The following SEMA3A variants were observed in gnomAD, a reference collection of about 807,000 sequenced individuals.
The protein encoded by SEMA3A is semaphorin-3A.
SEMA3A carries 29 observed loss-of-function variants against 97.9 expected under a neutral mutation model. The ratio of observed to expected loss-of-function variants is 0.30; its 90% CI spans 0.22 to 0.40. The LOEUF (loss-of-function observed/expected upper bound fraction) is 0.40. Ranked by LOEUF, SEMA3A falls within the 10% of genes least tolerant of loss-of-function variation. The pLI is 1.00. For missense variants in SEMA3A, 763 were observed against 951.3 expected, an observed-to-expected ratio of 0.80 and a Z score of 2.60; for synonymous variants, 321 against 323.7, an observed-to-expected ratio of 0.99 and a Z score of 0.09.
chr7:84,475,155 T>A (rs1361057453), intron 1 of SEMA3A, among the ~76,000 whole-genome samples: 2 of 151,386 alleles, frequency 1.3e-5, no homozygotes, highest in East Asian at 3.9e-4. Flanking sequence ...CATCTCATAC[T>A]CCCTGGTGAA....
chr7:83,968,804 C>CTTTTTTTTT (rs34837012), intron 15 of SEMA3A, among the ~76,000 whole-genome samples: 11 of 86,966 alleles, frequency 1.3e-4, no homozygotes, highest in East Asian at 3.2e-4. Flanking sequence ...CTTTTCTTTC[C>CTTTTTTTTT]TTTTTTTTTT....
chr7:83,991,554 T>C (rs1372710381), intron 12 of SEMA3A, among the ~76,000 whole-genome samples: 15 of 151,838 alleles, frequency 9.9e-5, no homozygotes, highest in Non-Finnish European at 1.8e-4. Flanking sequence ...TGTCAAAGGC[T>C]TTTTCTGCAT....
chr7:84,272,648 A>G (rs1257498143), intron 3 of SEMA3A, among the ~76,000 whole-genome samples: 2 of 151,954 alleles, frequency 1.3e-5, no homozygotes, highest in Non-Finnish European at 2.9e-5. Context: ...ATTGATTGTA[A>G]ATGAGACTAG....
At chr7:84,322,005 A>G (rs10254748) in intron 2 of SEMA3A, among the ~76,000 whole-genome samples, 2,776 of 151,716 alleles carry the variant, frequency 0.018, 88 homozygotes, top group African/African-American at 0.064. Flanking sequence ...GGACTCGGAA[A>G]ACTTATCATG....
At chr7:84,038,756 GTTTA>G (rs1792031901) in intron 6 of SEMA3A, among the ~76,000 whole-genome samples, 1 of 152,160 alleles carries the variant, frequency 6.6e-6, no homozygotes, top group South Asian at 2.1e-4. Context: ...TAACCTAATT[GTTTA>G]TTTAAGTTTA....
rs543350492 is a variant in SEMA3A at position 84,234,958 on chromosome 7, T to C, written c.-82-40290A>G. ...TAACTAATATCAGTTAATATCCCCA[T>C]GCTGTTTTCCTGCGTTTTTACTCTG... is the stretch of plus-strand genomic sequence containing the variant. On this transcript the variant is annotated intron_variant, in intron 3 of 3. Coordinates refer to the SEMA3A transcript ENST00000424555. Among the ~76,000 whole-genome samples the C allele has an allele frequency of 3.3e-5, 5 of 152,198 alleles. No individual in the cohort carries two copies. The South Asian group carries it at 1.0e-3, about 32-fold the overall frequency.
At chr7:84,044,962 T>C (rs1439459798) in intron 6 of SEMA3A, among the ~76,000 whole-genome samples, 6 of 151,928 alleles carry the variant, frequency 3.9e-5, no homozygotes, top group Non-Finnish European at 8.8e-5. Context: ...CATGGAAAAT[T>C]ATAGGACATT....
chr7:84,243,604 G>T (rs912146232), intron 3 of SEMA3A, among the ~76,000 whole-genome samples: 1 of 149,620 alleles, frequency 6.7e-6, no homozygotes, highest in African/African-American at 2.6e-5. Context: ...CCAGCTTCTG[G>T]ATTCATTGAT....
intron 3 of SEMA3A, among the ~76,000 whole-genome samples, chr7:84,207,583 G>C (rs900600460): frequency 6.6e-6 from 1 of 152,202 alleles, no homozygotes; most frequent in Non-Finnish European, 1.5e-5. Flanking sequence ...ATGTGTGGAA[G>C]AGTAGTTTGT....
At chr7:84,066,651 TG>T (rs1316173885) in intron 4 of SEMA3A, among the ~76,000 whole-genome samples, 1 of 150,180 alleles carries the variant, frequency 6.7e-6, no homozygotes, top group East Asian at 1.9e-4. Context: ...AGCCAAATCA[TG>T]AGTGAACTCC....
At chr7:83,984,593 T>C (rs1287030532) in intron 13 of SEMA3A, among the ~76,000 whole-genome samples, 1 of 147,668 alleles carries the variant, frequency 6.8e-6, no homozygotes, top group African/African-American at 2.5e-5. Context: ...CCCTACTTCA[T>C]TCTGGATTTT....
chr7:84,157,443 C>T (rs1412558893), intron 1 of SEMA3A, among the ~76,000 whole-genome samples: 7 of 151,244 alleles, frequency 4.6e-5, no homozygotes, highest in Non-Finnish European at 4.4e-5. Context: ...TTGTTGTTAT[C>T]GTTGATGACC....
chr7:83,979,318 G>C (rs978372780), intron 14 of SEMA3A, among the ~76,000 whole-genome samples: 2 of 152,120 alleles, frequency 1.3e-5, no homozygotes, highest in African/African-American at 2.4e-5. Flanking sequence ...ATTTTTAGTA[G>C]AGATGGGGTT....
chr7:84,372,741 T>C (rs1018170720), intron 1 of SEMA3A, among the ~76,000 whole-genome samples: 5 of 152,136 alleles, frequency 3.3e-5, no homozygotes, highest in African/African-American at 1.2e-4. Context: ...ATTAAAAATA[T>C]AGGTTAGTTT....
intron 3 of SEMA3A, among the ~76,000 whole-genome samples, chr7:84,274,555 T>C (rs955413144): frequency 6.6e-6 from 1 of 152,222 alleles, no homozygotes; most frequent in South Asian, 2.1e-4. Flanking sequence ...AGAAGTCAAG[T>C]CTTCATTGTG....
chr7:84,363,233 A>T (rs1222614283), intron 2 of SEMA3A, among the ~76,000 whole-genome samples: 6 of 151,960 alleles, frequency 3.9e-5, no homozygotes, highest in Admixed American at 2.0e-4. Context: ...GCTATTCTGG[A>T]CCTAATTCCA....
intron 1 of SEMA3A, among the ~76,000 whole-genome samples, chr7:84,413,339 G>C (rs1325526104): frequency 6.6e-6 from 1 of 152,098 alleles, no homozygotes; most frequent in Non-Finnish European, 1.5e-5. Flanking sequence ...ATATACTGTA[G>C]AAAGCAGGCC....
At chr7:84,175,575 T>G (rs1415211112) in intron 1 of SEMA3A, among the ~76,000 whole-genome samples, 1 of 152,180 alleles carries the variant, frequency 6.6e-6, no homozygotes, top group Non-Finnish European at 1.5e-5. Flanking sequence ...TTTAAGACAC[T>G]GGTTCTAGGG....
At chr7:84,011,432 G>T in intron 7 of SEMA3A, 135 bp from the exon 8 acceptor site, 1 of 648,824 alleles carries the variant, frequency 1.5e-6, no homozygotes, top group Non-Finnish European at 2.7e-6. Context: ...CATTTTAAAT[G>T]ACCAGATATA....
Sources: gnomAD v4.1 joint callset for allele counts (sites outside exome capture counted in the v4.1 genomes callset) on GRCh38, gnomAD v4.1.1 for gene constraint, MANE v1.5 for transcripts, NCBI Gene and HGNC (gene_info 2026-07-23, HGNC 2026-07-21) for gene names.